Variants in DYM observed in about 807,000 individuals in gnomAD.
DYM encodes dymeclin, also known as dyggve-Melchior-Clausen syndrome protein.
In DYM, 78 loss-of-function variants were observed where a neutral mutation model predicts 93.1. That is an observed-to-expected ratio of 0.84 (90% confidence interval 0.70 to 1.01). The LOEUF is 1.01. DYM is among the 50% of genes least tolerant of loss of function. DYM has a pLI of 0.00. For missense variants in DYM, 789 were observed against 845.0 expected (o/e 0.93, Z 0.82); for synonymous variants, 321 against 319.7 (o/e 1.00, Z -0.04).
At chr18:49,315,331 C>T (rs2061858495) in intron 8 of DYM, among the ~76,000 whole-genome samples, 1 of 152,026 alleles carries the variant, frequency 6.6e-6, no homozygotes, top group Non-Finnish European at 1.5e-5. Context: ...TTTTATCATT[C>T]AATATCAGAA....
chr18:49,105,519 T>C (rs1241249886), intron 16 of DYM, among the ~76,000 whole-genome samples: 1 of 152,264 alleles, frequency 6.6e-6, no homozygotes, highest in African/African-American at 2.4e-5. Flanking sequence ...ATTTTAGATC[T>C]GTCCTGCTTT....
At chr18:49,215,241 T>C (rs928907976) in intron 13 of DYM, among the ~76,000 whole-genome samples, 5 of 152,206 alleles carry the variant, frequency 3.3e-5, no homozygotes, top group Non-Finnish European at 5.9e-5. Flanking sequence ...TCTTCTCTGA[T>C]TGATATTAAA....
chr18:49,250,627 G>C (rs570281309), intron 13 of DYM, among the ~76,000 whole-genome samples: 1 of 152,304 alleles, frequency 6.6e-6, no homozygotes, highest in East Asian at 1.9e-4. Context: ...AAAGGCCTAG[G>C]AGCTGAACTG....
intron 2 of DYM, among the ~76,000 whole-genome samples, chr18:49,418,421 C>G (rs895901381): frequency 1.3e-5 from 2 of 152,040 alleles, no homozygotes; most frequent in African/African-American, 4.8e-5. Flanking sequence ...TGTTTCAGAT[C>G]TTTGCTGCAC....
intron 13 of DYM, among the ~76,000 whole-genome samples, chr18:49,221,048 C>T (rs2093329688): frequency 2.0e-5 from 3 of 152,136 alleles, no homozygotes; most frequent in Admixed American, 6.5e-5. Context: ...AGAACTCAAA[C>T]AAATTTACAA....
At chr18:49,049,425 A>C (rs1404674384) in intron 17 of DYM, among the ~76,000 whole-genome samples, 1 of 152,184 alleles carries the variant, frequency 6.6e-6, no homozygotes, top group Non-Finnish European at 1.5e-5. Context: ...CAAGAGCTAA[A>C]AGGCCAGTCC....
At position 49,363,200 on chromosome 18, in the gene DYM, A is replaced by G. The variant is rs2066192117; in HGVS notation, c.455T>C (p.Leu152Pro). ...AGTGATCAACTGCATCAAACAGCAC[A>G]GCAATTCTTCCAAAAGATCTTCTGA... is the stretch of plus-strand genomic sequence containing the variant. Reference protein sequence around the residue: ...SDSEDLLEELLCCLMQLITDI... With the variant: ...SDSEDLLEELPCCLMQLITDI... Residue 152 changes from leucine (L) to proline (P), a missense_variant, in exon 6 of 18, where the codon CTG becomes CCG. Physicochemically the swap from Leu to Pro is moderately conservative, Grantham distance 98. Around this residue, in one of 3 missense-constraint regions of DYM, gnomAD observed 450 missense variants for 436.2 expected, o/e 1.03. Transcript: ENST00000675505. The G allele has an allele frequency of 6.2e-7, 1 of 1,614,042 alleles. No individual in the cohort carries two copies. Among genetic ancestry groups the G allele is most frequent in the Non-Finnish European group, 8.5e-7 (1 of 1,179,938 alleles).
At position 49,042,727 on chromosome 18, in the gene DYM, C is replaced by G. The variant is rs1027603297; in HGVS notation, c.*1328G>C. ...TTGAGAATGAAACTAGGCTCCTTAT[C>G]TAGACTGTGAAGGGGCCCGTGAGGA... On this transcript the variant is annotated 3_prime_UTR_variant, in exon 18 of 18. Coordinates refer to ENST00000675505, the MANE Select transcript of DYM (RefSeq NM_001353214.3). The G allele has an allele frequency of 1.3e-5, 2 of 152,208 alleles. No individual in the cohort carries two copies. The highest frequency in any genetic ancestry group is 2.9e-5 in the Non-Finnish European group (2 of 68,044). The allele number at this position is 152,208 out of a possible 1,614,324, so 9.4% of individuals were successfully genotyped here.
intron 8 of DYM, among the ~76,000 whole-genome samples, chr18:49,307,854 G>A (rs111540651): frequency 4.4e-4 from 67 of 152,288 alleles, no homozygotes; most frequent in African/African-American, 1.6e-3. Context: ...AAAAGAAGGA[G>A]GAAAATGACT....
chr18:49,345,053 A>C (rs962967884), intron 6 of DYM, among the ~76,000 whole-genome samples: 2 of 152,216 alleles, frequency 1.3e-5, no homozygotes, highest in African/African-American at 4.8e-5. Context: ...AAACAGGATC[A>C]AAGTTAATTT....
intron 14 of DYM, among the ~76,000 whole-genome samples, chr18:49,198,729 C>T (rs1333403432): frequency 1.3e-5 from 2 of 151,622 alleles, no homozygotes; most frequent in Non-Finnish European, 2.9e-5. Context: ...CAGGAAACAA[C>T]AGGTGCTGGA....
intron 15 of DYM, among the ~76,000 whole-genome samples, chr18:49,154,418 G>C (rs1342463514): frequency 6.6e-6 from 1 of 151,962 alleles, no homozygotes; most frequent in South Asian, 2.1e-4. Context: ...TTTTGAGACA[G>C]AGTTTCGCTT....
chr18:49,256,229 G>A (rs1032871217), intron 13 of DYM, among the ~76,000 whole-genome samples: 1 of 152,078 alleles, frequency 6.6e-6, no homozygotes, highest in Non-Finnish European at 1.5e-5. Context: ...TGGCAAAAGC[G>A]ACCTTGTGAT....
intron 16 of DYM, among the ~76,000 whole-genome samples, chr18:49,106,389 C>G (rs1054687719): frequency 6.6e-6 from 1 of 152,154 alleles, no homozygotes; most frequent in Non-Finnish European, 1.5e-5. Flanking sequence ...TTAATTGGAG[C>G]ATTTAGCCCA....
intron 17 of DYM, among the ~76,000 whole-genome samples, chr18:49,056,435 G>C (rs2144527541): frequency 6.6e-6 from 1 of 152,292 alleles, no homozygotes; most frequent in Admixed American, 6.5e-5. Flanking sequence ...TCTTCACAGA[G>C]GGCTAATGAG....
At chr18:49,386,830 T>C (rs979518286) in intron 3 of DYM, among the ~76,000 whole-genome samples, 1 of 152,204 alleles carries the variant, frequency 6.6e-6, no homozygotes, top group Non-Finnish European at 1.5e-5. Context: ...TGAAGGTTTG[T>C]GGCAACCTTG....
chr18:49,107,791 C>G (rs984385873), intron 16 of DYM, among the ~76,000 whole-genome samples: 1 of 152,202 alleles, frequency 6.6e-6, no homozygotes. Context: ...GAGTACCCGG[C>G]CGTGTGAAGT....
chr18:49,196,810 T>C (rs1231494621), intron 14 of DYM, among the ~76,000 whole-genome samples: 1 of 152,108 alleles, frequency 6.6e-6, no homozygotes, highest in Non-Finnish European at 1.5e-5. Context: ...ATGAAGATGC[T>C]TGCTGGATCG....
intron 14 of DYM, among the ~76,000 whole-genome samples, chr18:49,169,541 G>T (rs1385347803): frequency 2.6e-5 from 4 of 152,200 alleles, no homozygotes; most frequent in African/African-American, 9.7e-5. Flanking sequence ...ATGAAAGCAG[G>T]ACTACAATAT....
Sources: gnomAD v4.1 joint callset for allele counts (sites outside exome capture counted in the v4.1 genomes callset) on GRCh38, gnomAD v4.1.1 for gene constraint, gnomAD v4.1.1 regional missense constraint, MANE v1.5 for transcripts, NCBI Gene and HGNC (gene_info 2026-07-23, HGNC 2026-07-21) for gene names.